Variants in CCDC88C observed in about 807,000 individuals in gnomAD.
The protein encoded by CCDC88C is protein Daple.
Under a neutral mutation model 198.8 loss-of-function variants are expected in CCDC88C, and 131 were observed. The observed-to-expected ratio is 0.66, with a 90% CI of 0.57 to 0.76. CCDC88C has a LOEUF of 0.76. Among genes scored for constraint, CCDC88C ranks in the 30% least tolerant of loss-of-function variants. The pLI is 0.00. For missense variants in CCDC88C, 2,553 were observed against 2,631.6 expected, an observed-to-expected ratio of 0.97 and a Z score of 0.65; for synonymous variants, 1,166 against 1,114.7, an observed-to-expected ratio of 1.05 and a Z score of -0.92.
At chr14:91,350,647 G>A (rs1356211954) in intron 4 of CCDC88C, among the ~76,000 whole-genome samples, 4 of 152,172 alleles carry the variant, frequency 2.6e-5, no homozygotes, top group Admixed American at 6.5e-5. Context: ...CAGACGAACA[G>A]GGGTCAGAGA....
rs191313173 is a variant in CCDC88C, at chr14:91,383,858, G to A, written c.271-24147C>T. 3.6e-4 allele frequency among the ~76,000 whole-genome samples: 55 copies of A among 152,328 alleles called. No individual in the cohort carries two copies. In the East Asian group the frequency reaches 5.8e-3, roughly 16 times the overall value. On this transcript the variant is annotated intron_variant, in intron 3 of 29. Transcript: ENST00000389857. ...GAAGAGGCTTCTTTCTCACTGTGAG[G>A]CAGAAACAAATTTATCTGTATGTAA...
chr14:91,386,937 T>C (rs1022376609), intron 3 of CCDC88C, among the ~76,000 whole-genome samples: 3 of 152,122 alleles, frequency 2.0e-5, no homozygotes, highest in African/African-American at 7.2e-5. Flanking sequence ...AATGCAAAAG[T>C]GGTGGTAATT....
chr14:91,309,833 T>C, intron 16 of CCDC88C, 26 bp downstream of exon 16: 19 of 1,593,900 alleles, frequency 1.2e-5, no homozygotes, highest in Non-Finnish European at 1.6e-5. Context: ...GCTCCCACGA[T>C]GGGGAGAGGG....
At position 91,365,147 on chromosome 14, in the gene CCDC88C, G is replaced by C. The variant is rs1332770649; in HGVS notation, c.271-5436C>G. Among the ~76,000 whole-genome samples the C allele has an allele frequency of 4.7e-5, 7 of 149,624 alleles. No individual in the cohort carries two copies. In the East Asian group the frequency reaches 1.4e-3, roughly 29 times the overall value. On this transcript the variant is annotated intron_variant, in intron 3 of 29. Transcript: ENST00000389857. ...CCCTACGGTCCCCTCCAGCCTAAGT[G>C]CTCTCCTCCTCTCCTCCAACTCCCT...
At chr14:91,299,046 A>G (rs1891157084) in intron 21 of CCDC88C, among the ~76,000 whole-genome samples, 1 of 152,234 alleles carries the variant, frequency 6.6e-6, no homozygotes, top group African/African-American at 2.4e-5. Flanking sequence ...TGCTGTAAAC[A>G]CTGAATTAGT....
At position 91,288,771 on chromosome 14, in the gene CCDC88C, G is replaced by A. The variant is rs1890529116; in HGVS notation, c.4441+334C>T. On this transcript the variant is annotated intron_variant, in intron 25 of 29. Transcript: ENST00000389857. The surrounding 1 kb of genome is among the most constrained non-coding windows in gnomAD (Gnocchi z 4.2). ...TACAAAAAATTAGCCAGGCGTGGTG[G>A]TGGGCGCCTATAATCCCAGCTACGT... The A allele has an allele frequency of 5.0e-6, 1 of 200,858 alleles. No homozygotes were observed. Among genetic ancestry groups the A allele is most frequent in the African/African-American group, 2.3e-5 (1 of 42,734 alleles). The allele number at this position is 200,858 out of a possible 1,614,324, so 12.4% of individuals were successfully genotyped here.
chr14:91,400,898 T>C (rs74087921), intron 3 of CCDC88C, among the ~76,000 whole-genome samples: 5,197 of 152,190 alleles, frequency 0.034, 292 homozygotes, highest in African/African-American at 0.12. Flanking sequence ...ATAAGAACAT[T>C]TGTTGAATGA....
intron 3 of CCDC88C, among the ~76,000 whole-genome samples, chr14:91,397,272 G>C (rs1885902977): frequency 6.6e-6 from 1 of 152,176 alleles, no homozygotes; most frequent in South Asian, 2.1e-4. Context: ...AGGGGCCTGG[G>C]TGGCATCCCC....
In CCDC88C at chr14:91,339,095, T is replaced by C. The variant is rs181941853; in HGVS notation, c.809+183A>G. The stretch of plus-strand genomic sequence containing the variant: ...GGAAGAATCCCCGCCCCCATCCCTG[T>C]GCAGGCCTCAGAAGGGGAGGCAGCT... On this transcript the variant is annotated intron_variant, in intron 8 of 29. Coordinates refer to ENST00000389857, the MANE Select transcript of CCDC88C (RefSeq NM_001080414.4). This position sits in a 1 kb window ranked among gnomAD's most constrained non-coding sequence, Gnocchi z 5.8. 57 of 718,100 alleles carry C rather than the reference T, an allele frequency of 7.9e-5. No individual in the cohort carries two copies. In the East Asian group the frequency reaches 1.2e-3, roughly 15 times the overall value. 44.5% of individuals were successfully genotyped at this position (718,100 alleles called of 1,614,324 possible).
chr14:91,287,616 C>T (rs1047565561), intron 25 of CCDC88C, among the ~76,000 whole-genome samples: 4 of 148,042 alleles, frequency 2.7e-5, no homozygotes, highest in Non-Finnish European at 1.5e-5. Flanking sequence ...GGATTATAGG[C>T]ATGAGCCACT....
chr14:91,315,032 C>CT (rs1892031700), intron 14 of CCDC88C, among the ~76,000 whole-genome samples: 1 of 152,168 alleles, frequency 6.6e-6, no homozygotes, highest in African/African-American at 2.4e-5. Context: ...CCCTGGCATT[C>CT]TTTGCAGGCA....
intron 12 of CCDC88C, among the ~76,000 whole-genome samples, chr14:91,322,347 A>G (rs1374530951): frequency 6.6e-6 from 1 of 152,156 alleles, no homozygotes; most frequent in Non-Finnish European, 1.5e-5. Flanking sequence ...TTCATCCTCT[A>G]CCAAGGATAA....
intron 3 of CCDC88C, among the ~76,000 whole-genome samples, chr14:91,380,954 AG>A (rs1884751929): frequency 6.6e-6 from 1 of 152,224 alleles, no homozygotes; most frequent in Non-Finnish European, 1.5e-5. Context: ...CAATCCGGTA[AG>A]GGTGTAATAG....
At chr14:91,316,221 T>C (rs952186960) in intron 13 of CCDC88C, among the ~76,000 whole-genome samples, 4 of 152,094 alleles carry the variant, frequency 2.6e-5, no homozygotes, top group African/African-American at 7.2e-5. Context: ...TCTTACCCCT[T>C]CCACACTTCC....
intron 3 of CCDC88C, among the ~76,000 whole-genome samples, chr14:91,402,402 C>T (rs773039817): frequency 4.6e-5 from 7 of 152,220 alleles, no homozygotes; most frequent in Non-Finnish European, 1.0e-4. Flanking sequence ...AATACAACTA[C>T]CACAGAGGCT....
Position 91,273,537 on chromosome 14 carries a change from G to T in CCDC88C, c.5175C>A (p.Pro1725=). 2.0e-6 allele frequency: 3 copies of T among 1,522,590 alleles called. No individual in the cohort carries two copies. The highest frequency in any genetic ancestry group is 2.6e-6 in the Non-Finnish European group (3 of 1,134,190). 94.3% of individuals were successfully genotyped at this position (1,522,590 alleles called of 1,614,324 possible). Residue 1725 remains proline, a synonymous_variant, in exon 30 of 30, where the codon CCC becomes CCA. Transcript: ENST00000389857. The surrounding 1 kb of genome is among the most constrained non-coding windows in gnomAD (Gnocchi z 5.6). The stretch of plus-strand genomic sequence containing the variant: ...TGACGGTGGGGGCCACAAAGTTGGT[G>T]GGCATCTTGGCCCCTTCTTTCTTGG... ...PPAKKEGAKM[P]TNFVAPTVKM... is the part of the protein sequence containing the mutation.
chr14:91,402,746 C>A (rs1009280364), intron 3 of CCDC88C, among the ~76,000 whole-genome samples: 3 of 152,082 alleles, frequency 2.0e-5, no homozygotes, highest in African/African-American at 7.2e-5. Flanking sequence ...AAAATAGAAC[C>A]GTATGTTCAT....
chr14:91,405,525 T>C (rs1886436716), intron 3 of CCDC88C, among the ~76,000 whole-genome samples: 4 of 152,138 alleles, frequency 2.6e-5, no homozygotes, highest in Admixed American at 2.6e-4. Flanking sequence ...CGGTTATGTT[T>C]GTGCTATAAT....
intron 10 of CCDC88C, among the ~76,000 whole-genome samples, chr14:91,336,394 G>A (rs897900656): frequency 2.0e-5 from 3 of 152,220 alleles, no homozygotes; most frequent in African/African-American, 7.2e-5. Flanking sequence ...AGGGTGCAGG[G>A]TGAGATGTGG....
Sources: gnomAD v4.1 joint callset for allele counts (sites outside exome capture counted in the v4.1 genomes callset) on GRCh38, gnomAD v4.1.1 for gene constraint, Gnocchi (gnomAD v3.1) non-coding constraint, MANE v1.5 for transcripts, NCBI Gene and HGNC (gene_info 2026-07-23, HGNC 2026-07-21) for gene names.